ANGPTL3: variants seen among roughly 807,000 people sequenced by gnomAD.
The protein encoded by ANGPTL3 is angiopoietin like 3, also known as angiopoietin-related protein 3.
In ANGPTL3, 51 loss-of-function variants were observed where a neutral mutation model predicts 52.7. The observed-to-expected ratio is 0.97, with a 90% CI of 0.77 to 1.22. The LOEUF is 1.22. Among genes scored for constraint, ANGPTL3 ranks in the 50% most tolerant of loss-of-function variants. ANGPTL3 has a pLI of 0.00. For synonymous variants in ANGPTL3, 185 were observed against 179.8 expected (o/e 1.03, Z -0.23); for missense variants, 506 against 520.7 (o/e 0.97, Z 0.27).
intron 2 of ANGPTL3, among the ~76,000 whole-genome samples, chr1:62,599,381 T>A (rs948268160): frequency 6.6e-6 from 1 of 151,996 alleles, no homozygotes; most frequent in Non-Finnish European, 1.5e-5. Flanking sequence ...ACTCTCTGAT[T>A]TCCCTTAGGG....
rs1649643673 is a variant in ANGPTL3 at position 62,598,641 on chromosome 1, TTAA to T, written c.496-52_496-50del. Reference sequence around the variant, plus strand: ...TAGATTATGATAGTGTTACAGGAAATTAATAGAAAAGAAAGAGGAAAGCAACTT... The same window carrying T: ...TAGATTATGATAGTGTTACAGGAAATTAGAAAAGAAAGAGGAAAGCAACTT... On this transcript the variant is annotated intron_variant, in intron 1 of 6. Transcript: ENST00000371129. The T allele has an allele frequency of 1.1e-5, 10 of 937,812 alleles. No homozygotes were observed. In the Admixed American group the frequency reaches 1.4e-4, roughly 13 times the overall value. The allele number at this position is 937,812 out of a possible 1,614,324, so 58.1% of individuals were successfully genotyped here. A position where few individuals can be genotyped will look rare whatever the true frequency, so the allele number is the denominator to read the frequency against.
rs1156523401 is a variant in ANGPTL3 at position 62,597,797 on chromosome 1, A to G, written c.231A>G (p.Ile77Met). 1 of 1,613,524 alleles carries G rather than the reference A, an allele frequency of 6.2e-7. No individual in the cohort carries two copies. Among genetic ancestry groups the G allele is most frequent in the Non-Finnish European group, 8.5e-7 (1 of 1,179,678 alleles). The part of the protein sequence containing the change: ...QINDIFQKLN[I>M]FDQSFYDLSL... ...ATGACATATTTCAAAAACTCAACAT[A>G]TTTGATCAGTCTTTTTATGATCTAT... The change falls in exon 1 of 7, where the codon ATA becomes ATG. Residue 77 changes from isoleucine (I) to methionine (M), a missense_variant. Coordinates refer to ENST00000371129, the MANE Select transcript of ANGPTL3 (RefSeq NM_014495.4).
intron 2 of ANGPTL3, among the ~76,000 whole-genome samples, chr1:62,599,903 TTAA>T (rs1392689664): frequency 1.6e-4 from 24 of 152,092 alleles, no homozygotes; most frequent in African/African-American, 5.5e-4. Context: ...TTTAAAAATA[TTAA>T]TAATACTCTC....
chr1:62,599,351 C>A (rs1055841315), intron 2 of ANGPTL3, among the ~76,000 whole-genome samples: 3 of 151,972 alleles, frequency 2.0e-5, no homozygotes, highest in African/African-American at 7.2e-5. Flanking sequence ...CGCTCTTCTG[C>A]CCTGGTATCT....
At chr1:62,604,374 C>A in intron 6 of ANGPTL3, 139 bp downstream of exon 6, 2 of 1,096,270 alleles carry the variant, frequency 1.8e-6, no homozygotes, top group African/African-American at 1.6e-5. Context: ...AACCTCTTAA[C>A]TATAATGAAA....
At chr1:62,601,435 T>C (rs1650102547) in intron 3 of ANGPTL3, among the ~76,000 whole-genome samples, 1 of 151,710 alleles carries the variant, frequency 6.6e-6, no homozygotes, top group Non-Finnish European at 1.5e-5. Context: ...TTCTTAGATG[T>C]GATCATGGTA....
rs373926508 is a variant in ANGPTL3 at position 62,597,817 on chromosome 1, A to T, written c.251A>T (p.Asp84Val). The T allele has an allele frequency of 1.2e-5, 19 of 1,612,986 alleles. No individual in the cohort carries two copies. Among genetic ancestry groups the T allele is most frequent in the Non-Finnish European group, 1.6e-5 (19 of 1,179,462 alleles). Residue 84 changes from aspartate to valine, a missense_variant, in exon 1 of 7, where the codon GAT (aspartate) becomes GTT (valine). Transcript: ENST00000371129. ...KLNIFDQSFYDLSLQTSEIKE... is the reference protein window; with the variant it reads ...KLNIFDQSFYVLSLQTSEIKE... Reference sequence around the variant, plus strand: ...AACATATTTGATCAGTCTTTTTATGATCTATCGCTGCAAACCAGTGAAATC... The same window carrying T: ...AACATATTTGATCAGTCTTTTTATGTTCTATCGCTGCAAACCAGTGAAATC...
rs1008790747 is a variant in ANGPTL3, at chr1:62,605,420, C to T, written c.*603C>T. On this transcript the variant is annotated 3_prime_UTR_variant, in exon 7 of 7. Transcript: ENST00000371129. ...AAACCTAATGAAGCAGAATTAAATA[C>T]TGTATTAAAATAAGTTCGCTGTCTT... 1.3e-5 allele frequency: 2 copies of T among 153,256 alleles called. No homozygotes were observed. Among genetic ancestry groups the T allele is most frequent in the African/African-American group, 4.8e-5 (2 of 41,436 alleles). The allele number at this position is 153,256 out of a possible 1,614,324, so 9.5% of individuals were successfully genotyped here.
rs546051366 is a variant in ANGPTL3 at position 62,597,746 on chromosome 1, T to C, written c.180T>C (p.Phe60=). 5.0e-6 allele frequency: 8 copies of C among 1,613,570 alleles called. No individual in the cohort carries two copies. In the South Asian group the frequency reaches 8.8e-5, roughly 18 times the overall value. ...LLQLGHGLKD[F]VHKTKGQIND... The stretch of plus-strand genomic sequence containing the variant: ...AGTTGGGACATGGTCTTAAAGACTT[T>C]GTCCATAAGACGAAGGGCCAAATTA... Residue 60 remains phenylalanine (F), a synonymous_variant, in exon 1 of 7, where the codon TTT becomes TTC. Coordinates refer to ENST00000371129, the MANE Select transcript of ANGPTL3 (RefSeq NM_014495.4).
At chr1:62,598,114 A>T in intron 1 of ANGPTL3, 53 bp downstream of exon 1, 6 of 1,451,084 alleles carry the variant, frequency 4.1e-6, no homozygotes, top group Non-Finnish European at 4.6e-6. Flanking sequence ...TGGATCTTTT[A>T]AAAAAAATAT....
At position 62,601,855 on chromosome 1, in the gene ANGPTL3, T is replaced by C. The variant is rs780152039; in HGVS notation, c.808T>C (p.Phe270Leu). The C allele has an allele frequency of 1.2e-6, 2 of 1,609,494 alleles. No individual in the cohort carries two copies. Among genetic ancestry groups the C allele is most frequent in the Non-Finnish European group, 1.7e-6 (2 of 1,176,620 alleles). ...YAIRPSNSQV[F>L]HVYCDVISGS... Reference sequence around the variant, plus strand: ...CATCAGACCCAGCAACTCTCAAGTTTTTCATGTCTACTGTGATGTTATATC... The same window carrying C: ...CATCAGACCCAGCAACTCTCAAGTTCTTCATGTCTACTGTGATGTTATATC... Residue 270 changes from phenylalanine to leucine, a missense_variant, in exon 4 of 7, where the codon TTT becomes CTT. Transcript: ENST00000371129.
rs1650606899 is a variant in ANGPTL3 at position 62,604,252 on chromosome 1, C to T, written c.1198+17C>T. The T allele has an allele frequency of 6.2e-7, 1 of 1,611,730 alleles. No homozygotes were observed. Among genetic ancestry groups the T allele is most frequent in the South Asian group, 1.1e-5 (1 of 90,990 alleles). On this transcript the variant is annotated intron_variant, in intron 6 of 6. Coordinates refer to ENST00000371129, the MANE Select transcript of ANGPTL3 (RefSeq NM_014495.4). The stretch of plus-strand genomic sequence containing the variant: ...GTTATTCAGGTATCTTTTTCTGATA[C>T]CAATACTTTATTTTCATATCTTCAA...
At position 62,600,864 on chromosome 1, in the gene ANGPTL3, T is replaced by C. The variant is rs201191065; in HGVS notation, c.607-218T>C. On this transcript the variant is annotated intron_variant, in intron 2 of 6. Coordinates refer to ENST00000371129, the MANE Select transcript of ANGPTL3 (RefSeq NM_014495.4). ...TCCGACCAATGTCTGCTTTTTTGCC[T>C]TGCTTTATTTTTTTATCTTATTAAA... Among the ~76,000 whole-genome samples the C allele has an allele frequency of 2.6e-5, 4 of 151,918 alleles. No homozygotes were observed. The East Asian group carries it at 7.7e-4, about 29-fold the overall frequency.
chr1:62,600,490 A>G (rs924401439), intron 2 of ANGPTL3, among the ~76,000 whole-genome samples: 1 of 151,806 alleles, frequency 6.6e-6, no homozygotes, highest in African/African-American at 2.4e-5. Flanking sequence ...AATGAGAAAA[A>G]CTATCATTCA....
chr1:62,600,032 A>C, intron 2 of ANGPTL3, among the ~76,000 whole-genome samples: 1 of 151,970 alleles, frequency 6.6e-6, no homozygotes, highest in Non-Finnish European at 1.5e-5. Context: ...CTAAACAAAC[A>C]TAATGTTAGT....
chr1:62,604,699 C>G lies in ANGPTL3; in HGVS notation c.1265C>G (p.Ala422Gly), dbSNP rs1266824991. Residue 422 changes from alanine (A) to glycine (G), a missense_variant, in exon 7 of 7, where the codon GCA (alanine) becomes GGA (glycine). Ala to Gly is a moderately conservative substitution (Grantham distance 60). Transcript: ENST00000371129. The part of the protein sequence containing the change: ...NLNGKYNKPR[A>G]KSKPERRRGL... ...AATGGTAAATATAACAAACCAAGAGCAAAATCTAAGCCAGAGAGGAGAAGA... is the reference window on the plus strand; with the variant it reads ...AATGGTAAATATAACAAACCAAGAGGAAAATCTAAGCCAGAGAGGAGAAGA... 1.2e-6 allele frequency: 2 copies of G among 1,612,982 alleles called. No individual in the cohort carries two copies. Among genetic ancestry groups the G allele is most frequent in the East Asian group, 4.5e-5 (2 of 44,796 alleles).
In ANGPTL3 at chr1:62,605,022, T is replaced by C. The variant is rs1650769613; in HGVS notation, c.*205T>C. The C allele has an allele frequency of 5.6e-6, 3 of 533,920 alleles. No individual in the cohort carries two copies. The highest frequency in any genetic ancestry group is 5.1e-5 in the South Asian group (2 of 38,938). The allele number at this position is 533,920 out of a possible 1,614,324, so 33.1% of individuals were successfully genotyped here. ...CATTTCTCAATCAAAATTCTTATAATACTATTTGTTTTAAATTTTGTGATG... is the reference window on the plus strand; with the variant it reads ...CATTTCTCAATCAAAATTCTTATAACACTATTTGTTTTAAATTTTGTGATG... On this transcript the variant is annotated 3_prime_UTR_variant, in exon 7 of 7. Coordinates refer to ENST00000371129, the MANE Select transcript of ANGPTL3 (RefSeq NM_014495.4).
In ANGPTL3 at chr1:62,601,292, C is replaced by T. The variant is rs114515649; in HGVS notation, c.721+96C>T. Reference sequence around the variant, plus strand: ...AGACTAAAAGATAGTTAAGAGATATCCATCAAATACAATGTATCAACCTAA... The same window carrying T: ...AGACTAAAAGATAGTTAAGAGATATTCATCAAATACAATGTATCAACCTAA... On this transcript the variant is annotated intron_variant, in intron 3 of 6. Transcript: ENST00000371129. The T allele has an allele frequency of 1.6e-3, 1,389 of 874,130 alleles. 17 individuals carry two copies. The African/African-American group carries it at 0.021, about 13-fold the overall frequency. 54.1% of individuals were successfully genotyped at this position (874,130 alleles called of 1,614,324 possible).
At chr1:62,604,595 A>T in intron 6 of ANGPTL3, 38 bp from the exon 7 acceptor site, 1 of 1,573,890 alleles carries the variant, frequency 6.4e-7, no homozygotes, top group Non-Finnish European at 8.7e-7. Flanking sequence ...ACTACATACG[A>T]GTCTGTACCC....
Sources: gnomAD v4.1 joint callset for allele counts (sites outside exome capture counted in the v4.1 genomes callset) on GRCh38, gnomAD v4.1.1 for gene constraint, MANE v1.5 for transcripts, NCBI Gene and HGNC (gene_info 2026-07-23, HGNC 2026-07-21) for gene names.